The following DAB1 variants were observed in gnomAD, a reference collection of about 807,000 sequenced individuals.
DAB1 encodes disabled homolog 1.
Under a neutral mutation model 64.6 loss-of-function variants are expected in DAB1, and 15 were observed. That is an observed-to-expected ratio of 0.23 (90% CI 0.16 to 0.36). The LOEUF (loss-of-function observed/expected upper bound fraction) is 0.36, where lower values mean the gene tolerates loss of function less well. DAB1 is among the 10% of genes least tolerant of loss of function. DAB1 has a pLI of 1.00. For missense variants in DAB1, 596 were observed against 706.7 expected, an observed-to-expected ratio of 0.84 and a Z score of 1.78; for synonymous variants, 235 against 251.9, an observed-to-expected ratio of 0.93 and a Z score of 0.64.
chr1:57,147,472 A>C (rs1478718495), intron 2 of DAB1, among the ~76,000 whole-genome samples: 2 of 152,058 alleles, frequency 1.3e-5, no homozygotes, highest in Non-Finnish European at 2.9e-5. Context: ...CTGACTCCTC[A>C]TATATTAAAG....
chr1:57,886,312 A>G (rs911952224), upstream of DAB1, among the ~76,000 whole-genome samples: 1 of 152,020 alleles, frequency 6.6e-6, no homozygotes, highest in Non-Finnish European at 1.5e-5. Context: ...GTGCGTGCCA[A>G]CACGCCTGGC....
At chr1:57,939,243 C>A (rs1403176718) in intron 5 of DAB1, among the ~76,000 whole-genome samples, 1 of 152,108 alleles carries the variant, frequency 6.6e-6, no homozygotes, top group Non-Finnish European at 1.5e-5. Context: ...TATGAGGGCA[C>A]TAATCCCATT....
rs1170605636 is a variant in DAB1 at position 57,782,178 on chromosome 1, C to A, written n.551+101821G>T. On this transcript the variant is annotated intron_variant and non_coding_transcript_variant, in intron 6 of 20. Coordinates refer to the DAB1 transcript ENST00000485760. The stretch of plus-strand genomic sequence containing the variant: ...CTTAGGATAATTATTTCGAGGTACG[C>A]TCCTTTTCTTCCAACAAGAATGAAA... Among the ~76,000 whole-genome samples, 6 of 151,964 alleles carry A rather than the reference C, an allele frequency of 3.9e-5. No homozygotes were observed. The South Asian group carries it at 1.0e-3, about 26-fold the overall frequency.
At chr1:57,222,975 C>A (rs564460559) in intron 2 of DAB1, among the ~76,000 whole-genome samples, 6 of 152,186 alleles carry the variant, frequency 3.9e-5, no homozygotes, top group Non-Finnish European at 8.8e-5. Flanking sequence ...CACACGCCTC[C>A]TGGGTCATTA....
intron 5 of DAB1, among the ~76,000 whole-genome samples, chr1:57,980,889 A>C (rs1219480864): frequency 1.3e-5 from 2 of 151,102 alleles, no homozygotes; most frequent in Non-Finnish European, 2.9e-5. Context: ...CTCTCTCTCT[A>C]CATGTATATA....
At chr1:58,043,539 C>T (rs150510541) in intron 5 of DAB1, among the ~76,000 whole-genome samples, 8 of 152,276 alleles carry the variant, frequency 5.3e-5, no homozygotes, top group African/African-American at 1.9e-4. Flanking sequence ...ACCCATGACC[C>T]ATGATGTCCT....
intron 3 of DAB1, among the ~76,000 whole-genome samples, chr1:58,404,372 G>A (rs1338379945): frequency 1.3e-5 from 2 of 152,202 alleles, no homozygotes; most frequent in Non-Finnish European, 2.9e-5. Flanking sequence ...ATATTACAGA[G>A]CAAAGTAGAC....
chr1:57,030,173 G>T (rs1025133954), intron 9 of DAB1, among the ~76,000 whole-genome samples: 1 of 152,120 alleles, frequency 6.6e-6, no homozygotes, highest in African/African-American at 2.4e-5. Context: ...AGATCTGATG[G>T]GTTTATCAGT....
At chr1:57,242,071 C>A (rs1387145349) in intron 2 of DAB1, among the ~76,000 whole-genome samples, 1 of 152,024 alleles carries the variant, frequency 6.6e-6, no homozygotes, top group African/African-American at 2.4e-5. Context: ...AGACTAGAAA[C>A]TAGACTAGAC....
intron 6 of DAB1, among the ~76,000 whole-genome samples, chr1:57,734,828 C>T (rs974500875): frequency 6.6e-6 from 1 of 152,090 alleles, no homozygotes; most frequent in Non-Finnish European, 1.5e-5. Flanking sequence ...CAGTAAACAA[C>T]AAAAAGCAAG....
intron 3 of DAB1, among the ~76,000 whole-genome samples, chr1:58,414,778 T>TA (rs1026095255): frequency 1.7e-4 from 25 of 149,440 alleles, no homozygotes; most frequent in East Asian, 1.2e-3. Flanking sequence ...GCAAAAAAAT[T>TA]AAAAAAAAAT....
intron 7 of DAB1, among the ~76,000 whole-genome samples, chr1:57,563,043 T>C (rs957319650): frequency 6.6e-6 from 1 of 152,086 alleles, no homozygotes; most frequent in Non-Finnish European, 1.5e-5. Context: ...AGCAGCCCAA[T>C]CTGGGCAGGA....
At chr1:58,039,510 A>T (rs1244918379) in intron 5 of DAB1, among the ~76,000 whole-genome samples, 1 of 152,204 alleles carries the variant, frequency 6.6e-6, no homozygotes, top group Non-Finnish European at 1.5e-5. Context: ...AATGGGAGTC[A>T]TCTCCTGATC....
intron 6 of DAB1, among the ~76,000 whole-genome samples, chr1:57,783,110 T>TTTC (rs1427270897): frequency 2.1e-5 from 3 of 142,714 alleles, no homozygotes; most frequent in Admixed American, 7.0e-5. Context: ...TCTTTTCTTT[T>TTTC]TTTTTTTTTT....
intron 1 of DAB1, among the ~76,000 whole-genome samples, chr1:57,421,795 T>A (rs1475033703): frequency 1.3e-5 from 2 of 151,560 alleles, no homozygotes; most frequent in African/African-American, 4.8e-5. Context: ...ACAGCTTTGA[T>A]TAGGTGCCCT....
rs567179886 is a variant in DAB1 at position 57,371,188 on chromosome 1, G to C, written c.-137+52742C>G. 3.9e-5 allele frequency among the ~76,000 whole-genome samples: 6 copies of C among 152,304 alleles called. No homozygotes were observed. The East Asian group carries it at 1.2e-3, about 29-fold the overall frequency. Reference sequence around the variant, plus strand: ...TTCAGAAAGACCAGACGGGGGACCTGGACAACCGAGGCATGGAGACTGAAT... The same window carrying C: ...TTCAGAAAGACCAGACGGGGGACCTCGACAACCGAGGCATGGAGACTGAAT... On this transcript the variant is annotated intron_variant, in intron 1 of 14. Transcript: ENST00000371236.
chr1:58,165,872 A>C (rs917502196), intron 4 of DAB1, among the ~76,000 whole-genome samples: 1 of 152,222 alleles, frequency 6.6e-6, no homozygotes, highest in Admixed American at 6.5e-5. Context: ...ACTGTATGCT[A>C]CACATCTTAT....
At chr1:58,460,118 G>A (rs1645228956) in intron 3 of DAB1, among the ~76,000 whole-genome samples, 1 of 152,194 alleles carries the variant, frequency 6.6e-6, no homozygotes, top group South Asian at 2.1e-4. Context: ...TGGGCTAAGT[G>A]CCCAGAGCTC....
chr1:57,553,916 G>A (rs1644957265), intron 7 of DAB1, among the ~76,000 whole-genome samples: 1 of 152,030 alleles, frequency 6.6e-6, no homozygotes, highest in African/African-American at 2.4e-5. Context: ...ACGGGAGGGG[G>A]CAATGTTAGG....
Sources: allele counts gnomAD v4.1 joint callset (sites outside exome capture counted in the v4.1 genomes callset), GRCh38; gene constraint gnomAD v4.1.1; transcripts MANE v1.5; gene names NCBI Gene and HGNC (gene_info 2026-07-23, HGNC 2026-07-21).